The following NUDT21 variants were observed in gnomAD, a reference collection of about 807,000 sequenced individuals.
NUDT21 encodes nudix hydrolase 21.
A neutral mutation model predicts 29.8 loss-of-function variants in NUDT21; 5 were observed. The observed-to-expected ratio is 0.17, with a 90% CI of 0.09 to 0.35. The LOEUF (loss-of-function observed/expected upper bound fraction) is 0.35. Ranked by LOEUF, NUDT21 falls within the 10% of genes least tolerant of loss-of-function variation. The pLI, the probability that NUDT21 is intolerant of heterozygous loss-of-function variation, is 1.00. For missense variants in NUDT21, 76 were observed against 276.0 expected (o/e 0.28, Z 5.13); for synonymous variants, 113 against 98.5 (o/e 1.15, Z -0.87).
chr16:56,435,703 G>T, intron 4 of NUDT21, among the ~76,000 whole-genome samples: 1 of 122,702 alleles, frequency 8.1e-6, no homozygotes. Context: ...TCCAGCCTGG[G>T]CAACAGAGTG....
intron 2 of NUDT21, 98 bp downstream of exon 2, chr16:56,447,691 T>C: frequency 3.8e-6 from 4 of 1,045,878 alleles, no homozygotes; most frequent in African/African-American, 1.6e-5. Context: ...GCAGTGTTTG[T>C]TGAAATGAAT....
chr16:56,435,433 A>T (rs1194064725), intron 4 of NUDT21, among the ~76,000 whole-genome samples: 2 of 151,514 alleles, frequency 1.3e-5, no homozygotes, highest in Non-Finnish European at 1.5e-5. Flanking sequence ...GTTTTTTAAA[A>T]ATATATATAT....
chr16:56,446,780 A>G (rs1422783871), intron 2 of NUDT21, 91 bp from the exon 3 acceptor site: 14 of 776,852 alleles, frequency 1.8e-5, no homozygotes, highest in Non-Finnish European at 3.0e-5. Context: ...CAAGTCACTA[A>G]GAACATATTT....
chr16:56,433,361 A>C (rs1962058328), intron 6 of NUDT21, among the ~76,000 whole-genome samples: 1 of 152,228 alleles, frequency 6.6e-6, no homozygotes, highest in Admixed American at 6.5e-5. Context: ...AAGAAGAAAC[A>C]GTCAAATAGG....
At chr16:56,445,045 G>T (rs900529376) in intron 3 of NUDT21, among the ~76,000 whole-genome samples, 2 of 152,120 alleles carry the variant, frequency 1.3e-5, no homozygotes, top group Non-Finnish European at 2.9e-5. Context: ...TTAGCTGGGC[G>T]TGGAGGCAGG....
intron 3 of NUDT21, among the ~76,000 whole-genome samples, chr16:56,443,586 A>T (rs1962183807): frequency 6.6e-6 from 1 of 152,222 alleles, no homozygotes; most frequent in South Asian, 2.1e-4. Flanking sequence ...GTTGGCAGGC[A>T]GGGCCTAGTG....
intron 4 of NUDT21, 183 bp downstream of exon 4, chr16:56,439,474 C>T (rs1962137938): frequency 6.8e-6 from 4 of 590,080 alleles, no homozygotes; most frequent in Non-Finnish European, 1.2e-5. Context: ...CCTCGCCCGG[C>T]CTTGTATTTG....
intron 6 of NUDT21, among the ~76,000 whole-genome samples, chr16:56,433,698 CT>C (rs1228959913): frequency 6.6e-6 from 1 of 151,564 alleles, no homozygotes; most frequent in South Asian, 2.1e-4. Flanking sequence ...CCTTTTTTTT[CT>C]TTTTTTTAGA....
At position 56,451,149 on chromosome 16, in the gene NUDT21, A is replaced by T. The variant is rs1380107008; in HGVS notation, c.54T>A (p.Thr18=). 1 of 1,613,260 alleles carries T rather than the reference A, an allele frequency of 6.2e-7. No individual in the cohort carries two copies. Among genetic ancestry groups the T allele is most frequent in the Non-Finnish European group, 8.5e-7 (1 of 1,179,652 alleles). ...GCTGGATGTACTTGTTGCCGAACTG[A>T]GTGACCCCCCGGGGCCAGCCGGTCT... ...RSQTGWPRGV[T]QFGNKYIQQT... is the part of the protein sequence containing the mutation. The change falls in exon 1 of 7, where the codon ACT becomes ACA. Residue 18 remains threonine, a synonymous_variant. Transcript: ENST00000300291.
chr16:56,430,211 T>G lies in NUDT21; in HGVS notation c.*2501A>C, dbSNP rs757915085. On this transcript the variant is annotated 3_prime_UTR_variant, in exon 7 of 7. Coordinates refer to ENST00000300291, the MANE Select transcript of NUDT21 (RefSeq NM_007006.3). Reference sequence around the variant, plus strand: ...GCCATTTTAAGTATTATCTACTTTTTTAAAAAATCACAGTGGTCTTCATCA... The same window carrying G: ...GCCATTTTAAGTATTATCTACTTTTGTAAAAAATCACAGTGGTCTTCATCA... The G allele has an allele frequency of 6.6e-6, 1 of 152,230 alleles. No individual in the cohort carries two copies. 9.4% of individuals were successfully genotyped at this position (152,230 alleles called of 1,614,324 possible).
At chr16:56,445,022 A>G (rs1962202589) in intron 3 of NUDT21, among the ~76,000 whole-genome samples, 1 of 152,122 alleles carries the variant, frequency 6.6e-6, no homozygotes, top group Non-Finnish European at 1.5e-5. Flanking sequence ...TGTCTCTACT[A>G]AAAATACAAA....
chr16:56,441,409 A>AT (rs1173913390), intron 3 of NUDT21, among the ~76,000 whole-genome samples: 1 of 151,314 alleles, frequency 6.6e-6, no homozygotes, highest in African/African-American at 2.4e-5. Flanking sequence ...GCTTTTTTGT[A>AT]TTTTTAGTAG....
At chr16:56,435,743 T>TTATACATATATA (rs1962092080) in intron 4 of NUDT21, among the ~76,000 whole-genome samples, 2 of 27,070 alleles carry the variant, frequency 7.4e-5, no homozygotes, top group Non-Finnish European at 6.6e-5. Context: ...AAAAAAAAAA[T>TTATACATATATA]TATATATATA....
At position 56,430,951 on chromosome 16, in the gene NUDT21, C is replaced by T. The variant is rs1442087519; in HGVS notation, c.*1761G>A. 3.9e-5 allele frequency: 6 copies of T among 152,196 alleles called. No homozygotes were observed. The highest frequency in any genetic ancestry group is 1.2e-4 in the African/African-American group (5 of 41,436). The allele number at this position is 152,196 out of a possible 1,614,324, so 9.4% of individuals were successfully genotyped here. On this transcript the variant is annotated 3_prime_UTR_variant, in exon 7 of 7. Transcript: ENST00000300291. ...AAGTTACAAAGAACATGAGTGGCCT[C>T]GAATCAGATGACTCTTCAACTCAAA...
At chr16:56,448,046 C>T in intron 1 of NUDT21, 57 bp from the exon 2 acceptor site, 3 of 1,443,618 alleles carry the variant, frequency 2.1e-6, no homozygotes, top group Non-Finnish European at 2.9e-6. Flanking sequence ...TTTACCATGA[C>T]AGACATTAGC....
chr16:56,441,634 TCCAC>T (rs1441967059), intron 3 of NUDT21, among the ~76,000 whole-genome samples: 1 of 152,248 alleles, frequency 6.6e-6, no homozygotes, highest in Non-Finnish European at 1.5e-5. Context: ...CACTTTTTCT[TCCAC>T]CATCTTCCCA....
chr16:56,448,041 C>G (rs1596958129), intron 1 of NUDT21, 52 bp from the exon 2 acceptor site: 1 of 1,482,644 alleles, frequency 6.7e-7, no homozygotes, highest in African/African-American at 1.4e-5. Flanking sequence ...TGTAATTTAC[C>G]ATGACAGACA....
At position 56,435,743 on chromosome 16, in the gene NUDT21, T is replaced by TTTTATATATA. The variant is rs1555514701; in HGVS notation, c.472-915_472-914insTATATATAAA. On this transcript the variant is annotated intron_variant, in intron 4 of 6. Transcript: ENST00000300291. ...TCTGTCTCCCAAAAAAAAAAAAAAA[T>TTTTATATATA]TATATATATATATATATATATATAT... Among the ~76,000 whole-genome samples, 17 of 27,058 alleles carry TTTTATATATA rather than the reference T, an allele frequency of 6.3e-4. 1 individual carries two copies. The East Asian group carries it at 7.0e-3, about 11-fold the overall frequency. The allele number at this position is 27,058 out of a possible 152,430, so 17.8% of individuals were successfully genotyped here.
chr16:56,434,622 G>A (rs1962073912), intron 5 of NUDT21, 132 bp downstream of exon 5: 1 of 790,198 alleles, frequency 1.3e-6, no homozygotes, highest in Non-Finnish European at 2.1e-6. Flanking sequence ...GAAACTAAAA[G>A]CATGGTATAC....
Sources: gnomAD v4.1 joint callset for allele counts (sites outside exome capture counted in the v4.1 genomes callset) on GRCh38, gnomAD v4.1.1 for gene constraint, MANE v1.5 for transcripts, NCBI Gene and HGNC (gene_info 2026-07-23, HGNC 2026-07-21) for gene names.